Variants in GRK7 observed in about 807,000 individuals in gnomAD.
GRK7 encodes G protein-coupled receptor kinase 7.
A neutral mutation model predicts 34.1 loss-of-function variants in GRK7; 24 were observed. The ratio of observed to expected loss-of-function variants is 0.70; its 90% CI spans 0.51 to 0.99. The LOEUF is 0.99. Among genes scored for constraint, GRK7 ranks in the 50% least tolerant of loss-of-function variants. GRK7 has a pLI of 0.00. For synonymous variants in GRK7, 256 were observed against 279.4 expected (o/e 0.92, Z 0.84); for missense variants, 644 against 707.3 (o/e 0.91, Z 1.02).
At chr3:141,750,766 T>C in the GRK7 span, among the ~76,000 whole-genome samples, 1 of 74,180 alleles carries the variant, frequency 1.3e-5, no homozygotes, top group Non-Finnish European at 2.7e-5. Context: ...TTTATAACCT[T>C]TTTTTTTTTT....
chr3:141,780,887 G>A lies in GRK7; in HGVS notation c.1050+76G>A, dbSNP rs1027648138. Reference sequence around the variant, plus strand: ...GGGGAGAGGGCTTTTCTATTCCCAGGGCAAATAGAGCCTTGGACTTAATTC... The same window carrying A: ...GGGGAGAGGGCTTTTCTATTCCCAGAGCAAATAGAGCCTTGGACTTAATTC... On this transcript the variant is annotated intron_variant, in intron 4 of 5. Coordinates refer to ENST00000682958, the MANE Select transcript of GRK7 (RefSeq NM_139209.3). 42 of 1,284,628 alleles carry A rather than the reference G, an allele frequency of 3.3e-5. 1 individual carries two copies. The highest frequency in any genetic ancestry group is 2.3e-4 in the South Asian group (16 of 69,014). 79.6% of individuals were successfully genotyped at this position (1,284,628 alleles called of 1,614,324 possible). A position where few individuals can be genotyped will look rare whatever the true frequency, so the allele number is the denominator to read the frequency against.
chr3:141,798,043 A>G (rs532273752), intron 4 of GRK7, among the ~76,000 whole-genome samples: 1 of 152,346 alleles, frequency 6.6e-6, no homozygotes, highest in African/African-American at 2.4e-5. Flanking sequence ...GTCCAGGGCC[A>G]GCCTGGGCCC....
the GRK7 span, among the ~76,000 whole-genome samples, chr3:141,754,326 T>C: frequency 6.6e-6 from 1 of 152,152 alleles, no homozygotes; most frequent in East Asian, 1.9e-4. Context: ...AGATGAATGC[T>C]GTATTTTCAG....
intron 1 of GRK7, among the ~76,000 whole-genome samples, 63 bp from the exon 2 acceptor site, chr3:141,774,517 C>G (rs1383555265): frequency 6.6e-6 from 1 of 152,080 alleles, no homozygotes; most frequent in Non-Finnish European, 1.5e-5. Flanking sequence ...CCAGTGAAAG[C>G]ATGTTTTTCC....
At chr3:141,801,146 TA>T (rs1341633065) in intron 4 of GRK7, among the ~76,000 whole-genome samples, 9 of 151,230 alleles carry the variant, frequency 6.0e-5, no homozygotes, top group Non-Finnish European at 1.0e-4. Context: ...CCGTCTCTAC[TA>T]AAAAATACAA....
chr3:141,779,204 G>A (rs943509823), intron 3 of GRK7, among the ~76,000 whole-genome samples: 7 of 152,036 alleles, frequency 4.6e-5, no homozygotes, highest in East Asian at 1.9e-4. Flanking sequence ...GAAGATCTCC[G>A]TTTCCCCTAA....
rs1235241093 is a variant in GRK7 at position 141,764,681 on chromosome 3, C to G, written c.-1272C>G. ...ATCTGGGGTGACTCCCAGTGAGTAT[C>G]TCCAGCCCAGCCCTCTCCTGTGGGT... On this transcript the variant is annotated 5_prime_UTR_variant, in exon 1 of 6. It adds an upstream start codon to the 5' untranslated region. Coordinates refer to ENST00000682958, the MANE Select transcript of GRK7 (RefSeq NM_139209.3). Among the ~76,000 whole-genome samples, 1 of 152,126 alleles carries G rather than the reference C, an allele frequency of 6.6e-6. No homozygotes were observed. Among genetic ancestry groups the G allele is most frequent in the Non-Finnish European group, 1.5e-5 (1 of 68,022 alleles).
At chr3:141,766,799 A>G (rs759921582) in intron 1 of GRK7, among the ~76,000 whole-genome samples, 2 of 152,238 alleles carry the variant, frequency 1.3e-5, no homozygotes, top group Non-Finnish European at 2.9e-5. Context: ...TCTTCTAATA[A>G]AATCTCGTAC....
chr3:141,805,576 A>G (rs116174745), intron 4 of GRK7, among the ~76,000 whole-genome samples: 3,559 of 152,254 alleles, frequency 0.023, 126 homozygotes, highest in African/African-American at 0.081. Context: ...TTCTCTGAAA[A>G]CAGCACTGCC....
intron 4 of GRK7, among the ~76,000 whole-genome samples, chr3:141,802,187 T>C (rs1229616719): frequency 6.6e-6 from 1 of 151,872 alleles, no homozygotes; most frequent in East Asian, 1.9e-4. Context: ...ACCCCGTCTG[T>C]ACCAAAGAAA....
intron 3 of GRK7, among the ~76,000 whole-genome samples, chr3:141,779,098 G>A (rs1002046030): frequency 3.9e-5 from 6 of 152,148 alleles, no homozygotes; most frequent in Non-Finnish European, 7.3e-5. Flanking sequence ...AGAGAGACAA[G>A]CAAAATTTAT....
intron 2 of GRK7, among the ~76,000 whole-genome samples, chr3:141,776,717 A>C (rs1336635486): frequency 6.6e-6 from 1 of 152,254 alleles, no homozygotes; most frequent in Admixed American, 6.5e-5. Flanking sequence ...AGGCAGAGCA[A>C]GGCGATCATG....
chr3:141,813,171 G>A (rs1195389378), intron 5 of GRK7, among the ~76,000 whole-genome samples: 1 of 152,196 alleles, frequency 6.6e-6, no homozygotes, highest in Non-Finnish European at 1.5e-5. Flanking sequence ...TGTCACCCAG[G>A]CTGGACTGCA....
At chr3:141,752,299 C>G in the GRK7 span, among the ~76,000 whole-genome samples, 1 of 152,042 alleles carries the variant, frequency 6.6e-6, no homozygotes, top group Non-Finnish European at 1.5e-5. Flanking sequence ...GGTTCTCAAC[C>G]AGGGGTGATT....
chr3:141,815,414 T>C (rs1711142294), intron 5 of GRK7, among the ~76,000 whole-genome samples: 1 of 152,168 alleles, frequency 6.6e-6, no homozygotes, highest in African/African-American at 2.4e-5. Flanking sequence ...GACCAGGAAA[T>C]ATATTCACAT....
chr3:141,774,352 G>T (rs1480950483), intron 1 of GRK7, among the ~76,000 whole-genome samples: 5 of 152,078 alleles, frequency 3.3e-5, no homozygotes, highest in African/African-American at 1.2e-4. Context: ...AGCCCAGGAG[G>T]TTGAGGCTGC....
intron 4 of GRK7, among the ~76,000 whole-genome samples, chr3:141,799,118 A>G (rs1454636666): frequency 6.6e-6 from 1 of 152,190 alleles, no homozygotes; most frequent in Non-Finnish European, 1.5e-5. Flanking sequence ...AAACAGGCAA[A>G]AAATGGAGAA....
In GRK7 at chr3:141,778,797, C is replaced by G. The variant is rs777770174; in HGVS notation, c.513C>G (p.Phe171Leu). ...QPFKDFVTSAFYDKFLQWKLF... is the reference protein window; with the variant it reads ...QPFKDFVTSALYDKFLQWKLF... ...TTAAGGATTTCGTGACCAGCGCCTTCTACGACAAGTTTCTGCAGTGGAAAC... is the reference window on the plus strand; with the variant it reads ...TTAAGGATTTCGTGACCAGCGCCTTGTACGACAAGTTTCTGCAGTGGAAAC... Residue 171 changes from phenylalanine to leucine, a missense_variant, in exon 3 of 6, where the codon TTC becomes TTG. Physicochemically the swap from Phe to Leu is conservative, Grantham distance 22. Transcript: ENST00000682958. The surrounding 1 kb of genome is among the most constrained non-coding windows in gnomAD (Gnocchi z 4.1). 1 of 1,609,526 alleles carries G rather than the reference C, an allele frequency of 6.2e-7. No individual in the cohort carries two copies. Among genetic ancestry groups the G allele is most frequent in the Non-Finnish European group, 8.5e-7 (1 of 1,178,064 alleles).
At chr3:141,751,965 CCTT>C in the GRK7 span, among the ~76,000 whole-genome samples, 1 of 152,184 alleles carries the variant, frequency 6.6e-6, no homozygotes, top group Non-Finnish European at 1.5e-5. Context: ...TTTTAAGTGA[CCTT>C]CTGCATACCT....
Sources: gnomAD v4.1 joint callset for allele counts (sites outside exome capture counted in the v4.1 genomes callset) on GRCh38, gnomAD v4.1.1 for gene constraint, Gnocchi (gnomAD v3.1) non-coding constraint, MANE v1.5 for transcripts, NCBI Gene and HGNC (gene_info 2026-07-23, HGNC 2026-07-21) for gene names.